FRAS1: variants seen among roughly 807,000 people sequenced by gnomAD.
FRAS1 encodes the protein Fraser extracellular matrix complex subunit 1.
FRAS1 carries 290 observed loss-of-function variants against 435.2 expected under a neutral mutation model. The ratio of observed to expected loss-of-function variants is 0.67; its 90% CI spans 0.61 to 0.73. The LOEUF (loss-of-function observed/expected upper bound fraction) is 0.73, where lower values mean the gene tolerates loss of function less well. Ranked by LOEUF, FRAS1 falls within the 30% of genes least tolerant of loss-of-function variation. The probability of loss-of-function intolerance (pLI) is 0.00; values close to 1 mark genes in which losing one functional copy is unlikely to be tolerated. For missense variants in FRAS1, 4,860 were observed against 5,001.5 expected, an observed-to-expected ratio of 0.97 and a Z score of 0.85; for synonymous variants, 1,800 against 1,851.0, an observed-to-expected ratio of 0.97 and a Z score of 0.71.
At chr4:78,370,022 A>T in intron 23 of FRAS1, 38 bp downstream of exon 23, 1 of 1,595,672 alleles carries the variant, frequency 6.3e-7, no homozygotes. Flanking sequence ...ATTCTTTTAC[A>T]CAGTGATACC....
chr4:78,112,934 G>A (rs537159236), intron 2 of FRAS1, among the ~76,000 whole-genome samples: 9 of 151,900 alleles, frequency 5.9e-5, no homozygotes, highest in East Asian at 3.9e-4. Context: ...CCATTAACTC[G>A]TCATTTAACA....
chr4:78,154,503 A>G (rs953942146), intron 2 of FRAS1, among the ~76,000 whole-genome samples: 16 of 152,198 alleles, frequency 1.1e-4, no homozygotes, highest in African/African-American at 4.8e-5. Flanking sequence ...TTTTAAAGCT[A>G]TTAATGTTTG....
intron 3 of FRAS1, among the ~76,000 whole-genome samples, chr4:78,241,934 T>A (rs574279965): frequency 6.6e-6 from 1 of 151,342 alleles, no homozygotes; most frequent in South Asian, 2.1e-4. Context: ...CTTTACTGAG[T>A]GAAAGTGAGA....
intron 2 of FRAS1, among the ~76,000 whole-genome samples, chr4:78,111,631 T>C (rs1486270109): frequency 3.0e-5 from 3 of 100,856 alleles, no homozygotes; most frequent in South Asian, 4.4e-4. Context: ...AGGGATAGCA[T>C]TGGGAGATAT....
chr4:78,088,245 A>C (rs933583416), intron 2 of FRAS1, among the ~76,000 whole-genome samples: 13 of 152,182 alleles, frequency 8.5e-5, no homozygotes, highest in African/African-American at 3.1e-4. Flanking sequence ...CTGAAACTGG[A>C]TCCCTTCCTT....
At chr4:78,282,758 G>A in intron 11 of FRAS1, 62 bp from the exon 12 acceptor site, 4 of 1,587,684 alleles carry the variant, frequency 2.5e-6, no homozygotes, top group Non-Finnish European at 3.4e-6. Flanking sequence ...TTCTTCAGCA[G>A]CAAGCTCTCT....
At chr4:78,258,623 C>CTT (rs71216203) in intron 6 of FRAS1, among the ~76,000 whole-genome samples, 213 of 131,818 alleles carry the variant, frequency 1.6e-3, no homozygotes, top group East Asian at 7.0e-3. Flanking sequence ...TGTTTCTTTT[C>CTT]TTTTTTTTTT....
At chr4:78,246,452 G>A (rs1325291122) in intron 4 of FRAS1, among the ~76,000 whole-genome samples, 2 of 135,036 alleles carry the variant, frequency 1.5e-5, no homozygotes, top group Non-Finnish European at 3.3e-5. Flanking sequence ...TCTGCACAAT[G>A]TGTTGCTGAA....
chr4:78,332,606 G>A (rs1487163332), intron 18 of FRAS1, among the ~76,000 whole-genome samples: 1 of 152,176 alleles, frequency 6.6e-6, no homozygotes, highest in Non-Finnish European at 1.5e-5. Context: ...CATGCAGTAT[G>A]TTCTGTTTGG....
intron 2 of FRAS1, chr4:78,181,527 C>T (rs1253829830): frequency 6.2e-7 from 1 of 1,611,512 alleles, no homozygotes; most frequent in African/African-American, 1.3e-5. Flanking sequence ...CGTCCACGGC[C>T]CCCTCGACCT....
chr4:78,286,557 C>G lies in FRAS1; in HGVS notation c.1534+18C>G. ...CTGTGCAGGTAATCTCTGGCTGGGC[C>G]ACAGTTGGGCCAGCTACCAAGACAG... On this transcript the variant is annotated intron_variant, in intron 14 of 73. Coordinates refer to ENST00000512123, the MANE Select transcript of FRAS1 (RefSeq NM_025074.7). 1.9e-6 allele frequency: 3 copies of G among 1,608,668 alleles called. No homozygotes were observed. Among genetic ancestry groups the G allele is most frequent in the Non-Finnish European group, 2.5e-6 (3 of 1,178,146 alleles).
intron 63 of FRAS1, among the ~76,000 whole-genome samples, chr4:78,509,404 T>C (rs946865491): frequency 6.6e-6 from 1 of 152,192 alleles, no homozygotes; most frequent in African/African-American, 2.4e-5. Flanking sequence ...ACTATTAATG[T>C]ATCTCCAATC....
intron 15 of FRAS1, among the ~76,000 whole-genome samples, chr4:78,310,138 G>A (rs1428949261): frequency 6.6e-6 from 1 of 152,200 alleles, no homozygotes; most frequent in Non-Finnish European, 1.5e-5. Flanking sequence ...AATAAGGAAA[G>A]AAAGGCCAGG....
At chr4:78,116,606 A>T (rs1401071177) in intron 2 of FRAS1, among the ~76,000 whole-genome samples, 1 of 151,936 alleles carries the variant, frequency 6.6e-6, no homozygotes, top group Non-Finnish European at 1.5e-5. Flanking sequence ...GTCTCTTTTG[A>T]TCTTTCTTGG....
At chr4:78,139,983 G>T (rs1025855279) in intron 2 of FRAS1, among the ~76,000 whole-genome samples, 1 of 152,086 alleles carries the variant, frequency 6.6e-6, no homozygotes, top group Non-Finnish European at 1.5e-5. Flanking sequence ...CAACTTAGCT[G>T]AACTTTTTGT....
At chr4:78,487,961 G>C (rs1720222396) in intron 58 of FRAS1, among the ~76,000 whole-genome samples, 1 of 152,108 alleles carries the variant, frequency 6.6e-6, no homozygotes, top group South Asian at 2.1e-4. Context: ...TCATCCTTAA[G>C]TCAAAGGAGG....
At chr4:78,150,814 A>G (rs1425933038) in intron 2 of FRAS1, among the ~76,000 whole-genome samples, 1 of 152,214 alleles carries the variant, frequency 6.6e-6, no homozygotes, top group African/African-American at 2.4e-5. Context: ...CCCGTATAAG[A>G]AATGATTTAT....
chr4:78,304,103 A>G (rs1728572812), intron 14 of FRAS1, among the ~76,000 whole-genome samples: 2 of 148,988 alleles, frequency 1.3e-5, no homozygotes, highest in Admixed American at 6.7e-5. Context: ...TTCTGCATCT[A>G]TTAAGATAAT....
intron 14 of FRAS1, among the ~76,000 whole-genome samples, chr4:78,303,485 C>T (rs1323500113): frequency 6.6e-6 from 1 of 152,186 alleles, no homozygotes; most frequent in African/African-American, 2.4e-5. Context: ...TCTTCCTACC[C>T]ATGAGCATGG....
Sources: gnomAD v4.1 joint callset for allele counts (sites outside exome capture counted in the v4.1 genomes callset) on GRCh38, gnomAD v4.1.1 for gene constraint, MANE v1.5 for transcripts, NCBI Gene and HGNC (gene_info 2026-07-23, HGNC 2026-07-21) for gene names.